Variants in PHLDB2 observed in about 807,000 individuals in gnomAD.
PHLDB2 encodes the protein pleckstrin homology-like domain family B member 2.
PHLDB2 carries 71 observed loss-of-function variants against 123.6 expected under a neutral mutation model. The observed-to-expected ratio is 0.57, with a 90% CI of 0.47 to 0.70. The LOEUF is 0.70. Among genes scored for constraint, PHLDB2 ranks in the 30% least tolerant of loss-of-function variants. The pLI is 0.00. For synonymous variants in PHLDB2, 547 were observed against 541.6 expected, an observed-to-expected ratio of 1.01 and a Z score of -0.14; for missense variants, 1,446 against 1,519.5, an observed-to-expected ratio of 0.95 and a Z score of 0.80.
At chr3:111,742,125 G>A (rs976768134) in intron 1 of PHLDB2, among the ~76,000 whole-genome samples, 6 of 152,108 alleles carry the variant, frequency 3.9e-5, no homozygotes, top group African/African-American at 1.4e-4. Context: ...ATATTTGGCT[G>A]TTCCCCTAAA....
At chr3:111,878,904 A>G (rs891166504) in intron 1 of PHLDB2, among the ~76,000 whole-genome samples, 4 of 152,160 alleles carry the variant, frequency 2.6e-5, no homozygotes, top group Non-Finnish European at 4.4e-5. Context: ...GATGAAGCCC[A>G]CTTGATCATG....
intron 2 of PHLDB2, among the ~76,000 whole-genome samples, chr3:111,893,715 T>G (rs1258248664): frequency 1.3e-5 from 2 of 150,122 alleles, no homozygotes; most frequent in Non-Finnish European, 3.0e-5. Flanking sequence ...AAATATGATG[T>G]GAGCCATGAA....
At chr3:111,864,471 AT>A (rs531983379) in intron 1 of PHLDB2, among the ~76,000 whole-genome samples, 81 of 152,334 alleles carry the variant, frequency 5.3e-4, no homozygotes, top group African/African-American at 1.8e-3. Context: ...CTGGGAGTTA[AT>A]TTGCTTACAG....
intron 5 of PHLDB2, among the ~76,000 whole-genome samples, chr3:111,928,114 A>G (rs907931733): frequency 2.6e-5 from 4 of 152,240 alleles, no homozygotes; most frequent in African/African-American, 7.2e-5. Flanking sequence ...TTTGAAATGT[A>G]TCATCCCTGT....
chr3:111,764,252 T>C (rs977038357), intron 1 of PHLDB2, among the ~76,000 whole-genome samples: 1 of 152,206 alleles, frequency 6.6e-6, no homozygotes, highest in Non-Finnish European at 1.5e-5. Flanking sequence ...ATGGTAGTTA[T>C]TGTGTGGCAA....
intron 1 of PHLDB2, among the ~76,000 whole-genome samples, chr3:111,817,205 T>C (rs978936560): frequency 6.6e-6 from 1 of 152,190 alleles, no homozygotes; most frequent in Non-Finnish European, 1.5e-5. Flanking sequence ...GAGCTATTCA[T>C]GAGGGATCCA....
At chr3:111,896,186 C>G (rs1191339810) in intron 2 of PHLDB2, among the ~76,000 whole-genome samples, 1 of 152,110 alleles carries the variant, frequency 6.6e-6, no homozygotes, top group Non-Finnish European at 1.5e-5. Context: ...CTCCTGGCCT[C>G]AAGTGATTTG....
At chr3:111,743,370 A>G (rs1051877423) in intron 1 of PHLDB2, among the ~76,000 whole-genome samples, 5 of 152,202 alleles carry the variant, frequency 3.3e-5, no homozygotes, top group African/African-American at 1.2e-4. Context: ...TTAATTTAGA[A>G]AAATTCTGTG....
intron 1 of PHLDB2, among the ~76,000 whole-genome samples, chr3:111,841,683 C>T (rs1159888418): frequency 1.3e-5 from 2 of 152,178 alleles, no homozygotes; most frequent in Non-Finnish European, 2.9e-5. Context: ...GTCAGCTGGG[C>T]TTCTAAGACT....
rs2063032362 is a variant in PHLDB2, at chr3:111,831,453, A to G, written c.-48-14368A>G. On this transcript the variant is annotated intron_variant, in intron 1 of 17. Coordinates refer to the PHLDB2 transcript ENST00000393923. ...CACATTTGTAGGGACAGTAGGGGGG[A>G]GTTTGCAAAAATTTTCTTACAGTCA... 2.0e-5 allele frequency among the ~76,000 whole-genome samples: 3 copies of G among 152,192 alleles called. No homozygotes were observed. In the South Asian group the frequency reaches 6.2e-4, roughly 32 times the overall value.
intron 1 of PHLDB2, among the ~76,000 whole-genome samples, chr3:111,749,828 A>T (rs914250044): frequency 3.3e-5 from 5 of 152,226 alleles, no homozygotes; most frequent in African/African-American, 1.2e-4. Flanking sequence ...TAAACCATTA[A>T]TATAACAATG....
chr3:111,841,728 T>C (rs1215201352), intron 1 of PHLDB2, among the ~76,000 whole-genome samples: 2 of 152,170 alleles, frequency 1.3e-5, no homozygotes, highest in Non-Finnish European at 2.9e-5. Context: ...AGTGAACATT[T>C]ATCAATACAT....
chr3:111,734,514 G>A (rs1941619418), intron 1 of PHLDB2, among the ~76,000 whole-genome samples: 2 of 152,022 alleles, frequency 1.3e-5, no homozygotes, highest in African/African-American at 4.8e-5. Flanking sequence ...TCCTTTTTTT[G>A]TAGCTTCTGG....
intron 2 of PHLDB2, among the ~76,000 whole-genome samples, chr3:111,893,067 G>A (rs1467816929): frequency 6.9e-6 from 1 of 145,852 alleles, no homozygotes; most frequent in East Asian, 2.1e-4. Flanking sequence ...GCTTCTTGCT[G>A]TCTCTATTTC....
In PHLDB2 at chr3:111,967,726, C is replaced by G; in HGVS notation, c.3217C>G (p.Arg1073Gly). The change falls in exon 15 of 18, where the codon CGC (arginine) becomes GGC (glycine). Residue 1073 changes from arginine (R) to glycine (G), a missense_variant. By Grantham distance (125) the Arg-to-Gly change is moderately radical. This residue lies in a region of PHLDB2 where 594 missense variants were observed against 646.0 expected (regional missense o/e 0.92). Transcript: ENST00000431670. ...KKRALEEEKR[R>G]REILEKRLQE... is the part of the protein sequence containing the mutation. ...ACGAGCCCTGGAAGAAGAAAAACGA[C>G]GCCGGGAAATCCTGGAAAAACGATT... 1 of 1,612,022 alleles carries G rather than the reference C, an allele frequency of 6.2e-7. No homozygotes were observed. The highest frequency in any genetic ancestry group is 8.5e-7 in the Non-Finnish European group (1 of 1,179,242).
At chr3:111,929,077 CAT>C (rs2068966326) in intron 5 of PHLDB2, among the ~76,000 whole-genome samples, 3 of 152,062 alleles carry the variant, frequency 2.0e-5, no homozygotes, top group African/African-American at 7.2e-5. Flanking sequence ...CCCTGGGAAA[CAT>C]AATGAGACCC....
At position 111,884,315 on chromosome 3, in the gene PHLDB2, A is replaced by T. The variant is rs2066071864; in HGVS notation, c.238A>T (p.Arg80Ter). Residue 80 changes from arginine (R) to a stop codon, truncating the protein, a stop_gained, in exon 2 of 18, where the codon AGA becomes TGA. Coordinates refer to ENST00000431670, the MANE Select transcript of PHLDB2 (RefSeq NM_001134438.2). LOFTEE classifies it high-confidence loss of function. Reference sequence around the variant, plus strand: ...CCCTTCTCCTTTGGGAACCAGTGTCAGAAGCAGCCCCTCCTTAGCCAAAAT... The same window carrying T: ...CCCTTCTCCTTTGGGAACCAGTGTCTGAAGCAGCCCCTCCTTAGCCAAAAT... The part of the protein sequence containing the change: ...RSPSPLGTSV[R>*]SSPSLAKIQG... 2 of 1,614,076 alleles carry T rather than the reference A, an allele frequency of 1.2e-6. No homozygotes were observed. Among genetic ancestry groups the T allele is most frequent in the Admixed American group, 1.7e-5 (1 of 59,998 alleles).
At chr3:111,737,165 A>C (rs2059521202) in intron 1 of PHLDB2, among the ~76,000 whole-genome samples, 3 of 152,194 alleles carry the variant, frequency 2.0e-5, no homozygotes, top group Admixed American at 2.0e-4. Flanking sequence ...TTTAAGTCCT[A>C]AGATGTTCTG....
chr3:111,952,946 C>T (rs1213623683), intron 11 of PHLDB2, among the ~76,000 whole-genome samples: 1 of 152,122 alleles, frequency 6.6e-6, no homozygotes, highest in Non-Finnish European at 1.5e-5. Flanking sequence ...ACAACCCAGG[C>T]GATGAGTGGC....
Sources: gnomAD v4.1 joint callset for allele counts (sites outside exome capture counted in the v4.1 genomes callset) on GRCh38, gnomAD v4.1.1 for gene constraint, gnomAD v4.1.1 regional missense constraint, MANE v1.5 for transcripts, NCBI Gene and HGNC (gene_info 2026-07-23, HGNC 2026-07-21) for gene names.